ADAM23: variants seen among roughly 807,000 people sequenced by gnomAD.
ADAM23 encodes the protein disintegrin and metalloproteinase domain-containing protein 23.
ADAM23 carries 33 observed loss-of-function variants against 120.1 expected under a neutral mutation model. The observed-to-expected ratio is 0.27, with a 90% CI of 0.21 to 0.37. ADAM23 has a LOEUF of 0.37. Ranked by LOEUF, ADAM23 falls within the 10% of genes least tolerant of loss-of-function variation. The pLI, the probability that ADAM23 is intolerant of heterozygous loss-of-function variation, is 1.00. For missense variants in ADAM23, 862 were observed against 1,058.2 expected (o/e 0.81, Z 2.57); for synonymous variants, 367 against 375.2 (o/e 0.98, Z 0.25).
intron 24 of ADAM23, among the ~76,000 whole-genome samples, chr2:206,608,555 A>G (rs1358805759): frequency 1.3e-5 from 2 of 152,006 alleles, no homozygotes; most frequent in Non-Finnish European, 1.5e-5. Flanking sequence ...AACTATTTTT[A>G]TGGCTCTCAT....
At chr2:206,529,075 A>G (rs370587527) in intron 3 of ADAM23, among the ~76,000 whole-genome samples, 82 of 152,304 alleles carry the variant, frequency 5.4e-4, no homozygotes, top group Non-Finnish European at 1.1e-3. Context: ...AGGGAGAAAT[A>G]TGTTTTAAGA....
intron 3 of ADAM23, among the ~76,000 whole-genome samples, chr2:206,492,896 T>C (rs1307236533): frequency 6.6e-6 from 1 of 152,212 alleles, no homozygotes; most frequent in Non-Finnish European, 1.5e-5. Context: ...TTTGAAAAGC[T>C]CTACAAATGT....
At chr2:206,515,590 G>C (rs1252988387) in intron 3 of ADAM23, among the ~76,000 whole-genome samples, 2 of 152,118 alleles carry the variant, frequency 1.3e-5, no homozygotes, top group Admixed American at 6.6e-5. Context: ...AATAAAGTCA[G>C]ATATAGTTCA....
At position 206,485,266 on chromosome 2, in the gene ADAM23, G is replaced by C. The variant is rs187724004; in HGVS notation, c.509+3958G>C. Among the ~76,000 whole-genome samples the C allele has an allele frequency of 1.1e-3, 170 of 152,272 alleles. 1 individual carries two copies. Among genetic ancestry groups the C allele is most frequent in the African/African-American group, 4.0e-3 (166 of 41,558 alleles). On this transcript the variant is annotated intron_variant, in intron 3 of 25. Coordinates refer to ENST00000264377, the MANE Select transcript of ADAM23 (RefSeq NM_003812.4). ...GGATTAACCAAAAAGTTTGATATGT[G>C]TTAGAATAAAGGTAGAGAGTCAGGA...
chr2:206,515,067 G>GT (rs1249100485), intron 3 of ADAM23, among the ~76,000 whole-genome samples: 1 of 152,150 alleles, frequency 6.6e-6, no homozygotes, highest in Non-Finnish European at 1.5e-5. Flanking sequence ...AGGTATGCCT[G>GT]TATCTCAGTA....
chr2:206,501,979 T>C (rs1293775147), intron 3 of ADAM23, among the ~76,000 whole-genome samples: 25 of 152,114 alleles, frequency 1.6e-4, no homozygotes, highest in Admixed American at 1.6e-3. Flanking sequence ...TTACAGAAAA[T>C]ATTAGTTTAT....
At chr2:206,537,225 G>A (rs981007929) in intron 4 of ADAM23, among the ~76,000 whole-genome samples, 2 of 151,952 alleles carry the variant, frequency 1.3e-5, no homozygotes, top group Non-Finnish European at 2.9e-5. Context: ...TGTTCTTTGT[G>A]CTTTCCTTAT....
chr2:206,459,300 G>C (rs541735583), intron 2 of ADAM23, among the ~76,000 whole-genome samples: 1 of 152,150 alleles, frequency 6.6e-6, no homozygotes, highest in African/African-American at 2.4e-5. Context: ...AACAGTTTTT[G>C]GAAATGGTTA....
intron 18 of ADAM23, 27 bp downstream of exon 18, chr2:206,573,222 A>T (rs1574542071): frequency 6.2e-7 from 1 of 1,600,334 alleles, no homozygotes. Context: ...TTTTGGTAAT[A>T]CATTTTACTT....
Position 206,609,987 on chromosome 2 carries a change from G to A in ADAM23, c.2437G>A (p.Gly813Ser). 1 of 1,577,290 alleles carries A rather than the reference G, an allele frequency of 6.3e-7. No individual in the cohort carries two copies. Among genetic ancestry groups the A allele is most frequent in the Non-Finnish European group, 8.6e-7 (1 of 1,167,866 alleles). The change falls in exon 25 of 26, where the codon GGC becomes AGC. Residue 813 changes from glycine (G) to serine (S), a missense_variant. Gly to Ser is a moderately conservative substitution (Grantham distance 56, BLOSUM62 0). Around this residue, in one of 4 missense-constraint regions of ADAM23, gnomAD observed 4 missense variants for 23.2 expected, o/e 0.17. Coordinates refer to ENST00000264377, the MANE Select transcript of ADAM23 (RefSeq NM_003812.4). ...LVAAIVLGGT[G>S]WGFKNVKKRR... ...AGCAGCTATTGTCCTTGGGGGCACAGGCTGGGGATTTAAGTAAGCAACGCC... is the reference window on the plus strand; with the variant it reads ...AGCAGCTATTGTCCTTGGGGGCACAAGCTGGGGATTTAAGTAAGCAACGCC...
intron 18 of ADAM23, among the ~76,000 whole-genome samples, chr2:206,580,376 A>C (rs928165668): frequency 6.6e-6 from 1 of 152,140 alleles, no homozygotes; most frequent in African/African-American, 2.4e-5. Flanking sequence ...CTTTTATTAC[A>C]TTGAGGTATG....
At chr2:206,526,538 A>G (rs1234958300) in intron 3 of ADAM23, among the ~76,000 whole-genome samples, 2 of 152,160 alleles carry the variant, frequency 1.3e-5, no homozygotes, top group Non-Finnish European at 2.9e-5. Flanking sequence ...CATCTGGAGC[A>G]TGTGGCTTCC....
At position 206,460,292 on chromosome 2, in the gene ADAM23, A is replaced by G. The variant is rs543501515; in HGVS notation, c.432+14768A>G. ...AATTCTATTTTTAATTTTTGGAGGA[A>G]CCTCCATAGCATTTTCCATGATGGT... On this transcript the variant is annotated intron_variant, in intron 2 of 25. Transcript: ENST00000264377. Among the ~76,000 whole-genome samples, 3 of 152,218 alleles carry G rather than the reference A, an allele frequency of 2.0e-5. No homozygotes were observed. In the South Asian group the frequency reaches 6.2e-4, roughly 32 times the overall value.
chr2:206,602,059 C>T (rs1254475423), intron 24 of ADAM23, among the ~76,000 whole-genome samples: 2 of 152,038 alleles, frequency 1.3e-5, no homozygotes, highest in African/African-American at 4.8e-5. Flanking sequence ...TGACTGTCTT[C>T]GTCAGTGCAC....
At chr2:206,466,815 G>A (rs1196474033) in intron 2 of ADAM23, among the ~76,000 whole-genome samples, 2 of 152,162 alleles carry the variant, frequency 1.3e-5, no homozygotes, top group East Asian at 1.9e-4. Context: ...CAGCTCCAAG[G>A]GGGATGGCTC....
At chr2:206,520,180 G>C (rs1696814519) in intron 3 of ADAM23, among the ~76,000 whole-genome samples, 1 of 152,130 alleles carries the variant, frequency 6.6e-6, no homozygotes, top group Admixed American at 6.5e-5. Flanking sequence ...GTGCAGACAT[G>C]CCCTCAGTCT....
intron 5 of ADAM23, among the ~76,000 whole-genome samples, chr2:206,542,641 A>T (rs1198964438): frequency 6.6e-6 from 1 of 152,192 alleles, no homozygotes; most frequent in Non-Finnish European, 1.5e-5. Context: ...AGCACCTCAT[A>T]TAAAGACTTA....
intron 2 of ADAM23, among the ~76,000 whole-genome samples, chr2:206,477,897 A>AAAAAAATATATATATATATATATATAT (rs374524658): frequency 5.3e-5 from 5 of 93,604 alleles, no homozygotes; most frequent in South Asian, 3.2e-4. Flanking sequence ...AAAAAAAAAA[A>AAAAAAATATATATATATATATATATAT]ATATATATAT....
rs991175559 is a variant in ADAM23, at chr2:206,600,000, G to A, written c.2359+3838G>A. On this transcript the variant is annotated intron_variant, in intron 24 of 25. Transcript: ENST00000264377. ...GCGGATCACAAGGTCAGGAGATCGA[G>A]ACCATCCTGGCTAACACAGTGAAGC... Among the ~76,000 whole-genome samples the A allele has an allele frequency of 2.0e-5, 3 of 152,198 alleles. No individual in the cohort carries two copies. In the South Asian group the frequency reaches 6.2e-4, roughly 32 times the overall value.
Sources: allele counts gnomAD v4.1 joint callset (sites outside exome capture counted in the v4.1 genomes callset), GRCh38; gene constraint gnomAD v4.1.1; regional missense constraint gnomAD v4.1.1; transcripts MANE v1.5; gene names NCBI Gene and HGNC (gene_info 2026-07-23, HGNC 2026-07-21).